The following ZNF423 variants were observed in gnomAD, a reference collection of about 807,000 sequenced individuals.
ZNF423 encodes zinc finger protein 423, also known as Ebf-associated zinc finger protein.
ZNF423 carries 12 observed loss-of-function variants against 95.8 expected under a neutral mutation model. The ratio of observed to expected loss-of-function variants is 0.13; its 90% CI spans 0.08 to 0.20. ZNF423 has a LOEUF of 0.20. Among genes scored for constraint, ZNF423 ranks in the 10% least tolerant of loss-of-function variants. The probability of loss-of-function intolerance (pLI) is 1.00; values close to 1 mark genes in which losing one functional copy is unlikely to be tolerated. For missense variants in ZNF423, 1,316 were observed against 1,737.1 expected (o/e 0.76, Z 4.31); for synonymous variants, 749 against 711.9 (o/e 1.05, Z -0.83).
At chr16:49,802,103 C>T (rs1378955186) in intron 1 of ZNF423, among the ~76,000 whole-genome samples, 3 of 152,200 alleles carry the variant, frequency 2.0e-5, no homozygotes, top group Non-Finnish European at 4.4e-5. Context: ...CCGCCTCAGC[C>T]TCCCAAAGTG....
At chr16:49,656,112 C>T (rs1022672479) in intron 3 of ZNF423, among the ~76,000 whole-genome samples, 7 of 152,102 alleles carry the variant, frequency 4.6e-5, no homozygotes, top group African/African-American at 1.7e-4. Flanking sequence ...AGTGGTGCCC[C>T]ACGTTGGGGC....
At chr16:49,667,591 G>A (rs1190395509) in intron 3 of ZNF423, among the ~76,000 whole-genome samples, 1 of 152,228 alleles carries the variant, frequency 6.6e-6, no homozygotes, top group Non-Finnish European at 1.5e-5. Context: ...CACAGAAAAG[G>A]AAACCGAGGG....
Position 49,855,068 on chromosome 16 carries a change from C to T in ZNF423, c.40+667G>A. On this transcript the variant is annotated intron_variant, in intron 1 of 7. Coordinates refer to ENST00000563137, the MANE Select transcript of ZNF423 (RefSeq NM_001379286.1). The surrounding 1 kb of genome is among the most constrained non-coding windows in gnomAD (Gnocchi z 4.7). ...ACAATGAACTCCTGGCGGAGGCTCC[C>T]TGCCCGGTGGGCCTCGGTGGAGGAG... 1.0e-6 allele frequency: 1 copy of T among 983,782 alleles called. No individual in the cohort carries two copies. The highest frequency in any genetic ancestry group is 1.2e-6 in the Non-Finnish European group (1 of 828,782). The allele number at this position is 983,782 out of a possible 1,614,324, so 60.9% of individuals were successfully genotyped here.
intron 1 of ZNF423, among the ~76,000 whole-genome samples, chr16:49,827,882 G>A (rs920629960): frequency 1.3e-5 from 2 of 152,064 alleles, no homozygotes; most frequent in South Asian, 2.1e-4. Flanking sequence ...TTATAGGCGT[G>A]AGCCACCATG....
chr16:49,501,667 C>CAT (rs1203027146), intron 7 of ZNF423, among the ~76,000 whole-genome samples: 1 of 151,938 alleles, frequency 6.6e-6, no homozygotes, highest in East Asian at 1.9e-4. Flanking sequence ...AAATGTGGTA[C>CAT]ATATATATAT....
At chr16:49,709,278 C>T (rs2032467921) in intron 3 of ZNF423, among the ~76,000 whole-genome samples, 1 of 151,588 alleles carries the variant, frequency 6.6e-6, no homozygotes, top group South Asian at 2.1e-4. Context: ...CCCCAACCAT[C>T]CCTCGAGGTC....
chr16:49,807,432 A>C (rs1321510481), intron 1 of ZNF423, among the ~76,000 whole-genome samples: 1 of 152,126 alleles, frequency 6.6e-6, no homozygotes, highest in Non-Finnish European at 1.5e-5. Flanking sequence ...TCCGTCTCAA[A>C]AAAAAAACAA....
At chr16:49,576,764 C>T (rs1426526095) in intron 5 of ZNF423, among the ~76,000 whole-genome samples, 1 of 152,194 alleles carries the variant, frequency 6.6e-6, no homozygotes, top group Non-Finnish European at 1.5e-5. Flanking sequence ...GAATTTTTTC[C>T]ATTGGCACTG....
In ZNF423 at chr16:49,730,870, C is replaced by G. The variant is rs1345403746; in HGVS notation, c.202G>C (p.Asp68His). 3 of 1,614,082 alleles carry G rather than the reference C, an allele frequency of 1.9e-6. No homozygotes were observed. The Admixed American group carries it at 5.0e-5, about 27-fold the overall frequency. ...SQEERNEDDE[D>H]MEDESIYTCD... is the part of the protein sequence containing the mutation. Reference sequence around the variant, plus strand: ...GTGTAAATTGATTCATCCTCCATGTCTTCATCATCCTCATTTCTCTCCTCT... The same window carrying G: ...GTGTAAATTGATTCATCCTCCATGTGTTCATCATCCTCATTTCTCTCCTCT... The change falls in exon 3 of 8, where the codon GAC (aspartate) becomes CAC (histidine). Residue 68 changes from aspartate to histidine, a missense_variant. Asp to His is a moderately conservative substitution (Grantham distance 81). Transcript: ENST00000563137.
intron 1 of ZNF423, chr16:49,822,849 CTACT>C: frequency 2.7e-6 from 2 of 746,528 alleles, no homozygotes. Flanking sequence ...GAGGCTCAGA[CTACT>C]TAACGACTTG....
At chr16:49,648,286 C>A (rs1477264146) in intron 3 of ZNF423, among the ~76,000 whole-genome samples, 1 of 152,114 alleles carries the variant, frequency 6.6e-6, no homozygotes, top group Non-Finnish European at 1.5e-5. Flanking sequence ...GATTTCCAAG[C>A]AAACTGTGGA....
At chr16:49,639,017 C>G in intron 3 of ZNF423, 143 bp from the exon 4 acceptor site, 2 of 1,435,954 alleles carry the variant, frequency 1.4e-6, no homozygotes, top group Non-Finnish European at 1.8e-6. Context: ...GGGGCAGGGG[C>G]CGGAAGCAAG....
intron 2 of ZNF423, among the ~76,000 whole-genome samples, chr16:49,760,487 C>A (rs555075318): frequency 6.6e-6 from 1 of 152,096 alleles, no homozygotes; most frequent in African/African-American, 2.4e-5. Context: ...AGTCAGGGTT[C>A]GGCACACAGT....
intron 1 of ZNF423, among the ~76,000 whole-genome samples, chr16:49,841,250 G>A (rs1023270835): frequency 6.6e-6 from 1 of 152,176 alleles, no homozygotes; most frequent in Non-Finnish European, 1.5e-5. Context: ...CAGGACAGTG[G>A]CAGCAGCAAG....
At chr16:49,821,820 T>C (rs1167893315) in intron 1 of ZNF423, among the ~76,000 whole-genome samples, 1 of 152,068 alleles carries the variant, frequency 6.6e-6, no homozygotes, top group Non-Finnish European at 1.5e-5. Context: ...TCCCCAGGCC[T>C]CAGGGTATTT....
intron 5 of ZNF423, among the ~76,000 whole-genome samples, chr16:49,596,322 T>C (rs1451470541): frequency 6.6e-6 from 1 of 152,084 alleles, no homozygotes; most frequent in African/African-American, 2.4e-5. Flanking sequence ...CTTAGGTAAT[T>C]ACCAGAGACA....
intron 5 of ZNF423, among the ~76,000 whole-genome samples, chr16:49,555,380 C>T (rs1489615362): frequency 6.6e-6 from 1 of 152,178 alleles, no homozygotes; most frequent in Non-Finnish European, 1.5e-5. Flanking sequence ...TTTACTGAGC[C>T]CTTACCATGC....
At chr16:49,727,039 A>T (rs1462630940) in intron 3 of ZNF423, among the ~76,000 whole-genome samples, 1 of 152,078 alleles carries the variant, frequency 6.6e-6, no homozygotes, top group Non-Finnish European at 1.5e-5. Context: ...TCAAACAGAC[A>T]TCAGGGCGGG....
intron 5 of ZNF423, among the ~76,000 whole-genome samples, chr16:49,580,340 A>G (rs931210468): frequency 6.6e-5 from 10 of 152,054 alleles, no homozygotes; most frequent in Admixed American, 3.9e-4. Context: ...CTATCCCTGC[A>G]CCAATAACAC....
Sources: allele counts gnomAD v4.1 joint callset (sites outside exome capture counted in the v4.1 genomes callset), GRCh38; gene constraint gnomAD v4.1.1; non-coding constraint Gnocchi (gnomAD v3.1); transcripts MANE v1.5; gene names NCBI Gene and HGNC (gene_info 2026-07-23, HGNC 2026-07-21).